The following ST14 variants were observed in gnomAD, a reference collection of about 807,000 sequenced individuals.
The protein encoded by ST14 is ST14 transmembrane serine protease matriptase.
Under a neutral mutation model 96.5 loss-of-function variants are expected in ST14, and 40 were observed. That is an observed-to-expected ratio of 0.41 (90% confidence interval 0.32 to 0.54). ST14 has a LOEUF of 0.54. ST14 is among the 20% of genes least tolerant of loss of function. The pLI is 0.17. For synonymous variants in ST14, 506 were observed against 492.1 expected, an observed-to-expected ratio of 1.03 and a Z score of -0.37; for missense variants, 1,066 against 1,188.9, an observed-to-expected ratio of 0.90 and a Z score of 1.52.
At chr11:130,178,108 A>T (rs1449831764) in intron 1 of ST14, among the ~76,000 whole-genome samples, 2 of 152,262 alleles carry the variant, frequency 1.3e-5, no homozygotes, top group East Asian at 3.8e-4. Context: ...ACTATACATA[A>T]TAATATTCTT....
At chr11:130,198,726 C>T in intron 14 of ST14, 105 bp downstream of exon 14, 1 of 1,330,004 alleles carries the variant, frequency 7.5e-7, no homozygotes, top group Non-Finnish European at 1.1e-6. Flanking sequence ...GAACACAAAC[C>T]ACCTGTGTGT....
chr11:130,191,680 A>C (rs918960409), intron 7 of ST14, among the ~76,000 whole-genome samples: 1 of 118,718 alleles, frequency 8.4e-6, no homozygotes, highest in Non-Finnish European at 1.7e-5. Context: ...ACAGAGCGAG[A>C]CTCTGTCTCA....
chr11:130,185,713 T>C (rs1545714), intron 1 of ST14, among the ~76,000 whole-genome samples: 39,677 of 152,112 alleles, frequency 0.26, 11,953 homozygotes, highest in African/African-American at 0.74. Flanking sequence ...AGAAAGACAA[T>C]GAAGTCATAA....
At position 130,190,141 on chromosome 11, in the gene ST14, C is replaced by G. The variant is rs944862881; in HGVS notation, c.627C>G (p.Thr209=). Residue 209 remains threonine (T), a synonymous_variant, in exon 6 of 19, where the codon ACC becomes ACG. Transcript: ENST00000278742. ...CGGACTCCAAAACAGTACAGAGGAC[C>G]CAGGACAGTAAGTATCGTGCCCGCC... ...FPTDSKTVQR[T]QDNSCSFGLH... The G allele has an allele frequency of 6.2e-7, 1 of 1,614,182 alleles. No individual in the cohort carries two copies. Among genetic ancestry groups the G allele is most frequent in the Non-Finnish European group, 8.5e-7 (1 of 1,180,030 alleles).
chr11:130,195,836 G>A (rs1234799919), intron 9 of ST14, among the ~76,000 whole-genome samples: 1 of 135,080 alleles, frequency 7.4e-6, no homozygotes, highest in Non-Finnish European at 1.6e-5. Context: ...CTGGGTGACA[G>A]AGTGAGACTT....
In ST14 at chr11:130,188,492, C is replaced by T. The variant is rs530204787; in HGVS notation, c.242-38C>T. ...CGGCGAGGGACAGGCGGGGGTGGTA[C>T]CACCTCCCCTGACTGAGCGCCTTCT... is the stretch of plus-strand genomic sequence containing the variant. On this transcript the variant is annotated intron_variant, in intron 2 of 18. Coordinates refer to ENST00000278742, the MANE Select transcript of ST14 (RefSeq NM_021978.4). The surrounding 1 kb of genome is among the most constrained non-coding windows in gnomAD (Gnocchi z 5.4). 14 of 1,609,256 alleles carry T rather than the reference C, an allele frequency of 8.7e-6. No individual in the cohort carries two copies. Among genetic ancestry groups the T allele is most frequent in the Non-Finnish European group, 1.1e-5 (13 of 1,179,788 alleles).
Position 130,190,521 on chromosome 11 carries a change from T to A in ST14, c.702T>A (p.Pro234=), listed in dbSNP as rs1389074784. Residue 234 remains proline, a synonymous_variant, in exon 7 of 19, where the codon CCT becomes CCA. Transcript: ENST00000278742. ...TGCGCTTCACCACGCCCGGCTTCCC[T>A]GACAGCCCCTACCCCGCTCATGCCC... The part of the protein sequence containing the change: ...ELMRFTTPGF[P]DSPYPAHARC... The A allele has an allele frequency of 6.2e-7, 1 of 1,610,550 alleles. No individual in the cohort carries two copies. Among genetic ancestry groups the A allele is most frequent in the Admixed American group, 1.7e-5 (1 of 60,004 alleles).
In ST14 at chr11:130,181,940, C is replaced by G. The variant is rs1274520828; in HGVS notation, c.82-6174C>G. On this transcript the variant is annotated intron_variant, in intron 1 of 18. Coordinates refer to ENST00000278742, the MANE Select transcript of ST14 (RefSeq NM_021978.4). The surrounding 1 kb of genome is among the most constrained non-coding windows in gnomAD (Gnocchi z 4.1). ...TTGAGCTAGCGCCACTGCTGACAGC[C>G]TCGCTCCGTGGCAGAGTCTGGGGTG... 2.0e-5 allele frequency among the ~76,000 whole-genome samples: 3 copies of G among 152,238 alleles called. No homozygotes were observed. Among genetic ancestry groups the G allele is most frequent in the Non-Finnish European group, 4.4e-5 (3 of 68,028 alleles).
intron 1 of ST14, among the ~76,000 whole-genome samples, chr11:130,185,289 A>G (rs1316092665): frequency 2.0e-5 from 3 of 152,248 alleles, no homozygotes; most frequent in Non-Finnish European, 4.4e-5. Flanking sequence ...GTTAAAAATA[A>G]TGAGATGGAT....
intron 11 of ST14, 26 bp from the exon 12 acceptor site, chr11:130,197,815 G>A (rs956075577): frequency 6.5e-7 from 1 of 1,533,408 alleles, no homozygotes; most frequent in South Asian, 1.2e-5. Flanking sequence ...GGGTGCTGGG[G>A]GCCTCAGGCC....
At chr11:130,194,076 A>C in intron 7 of ST14, 73 bp from the exon 8 acceptor site, 4 of 1,608,144 alleles carry the variant, frequency 2.5e-6, no homozygotes, top group Non-Finnish European at 3.4e-6. Context: ...CCTCTGCCTG[A>C]GAGCCTGGTT....
chr11:130,164,452 C>T (rs1385419123), intron 1 of ST14, among the ~76,000 whole-genome samples: 3 of 151,352 alleles, frequency 2.0e-5, no homozygotes, highest in African/African-American at 4.9e-5. Flanking sequence ...CAGGGTCTCC[C>T]TCTGTCACCC....
At position 130,159,989 on chromosome 11, in the gene ST14, G is replaced by T; in HGVS notation, c.10G>T (p.Asp4Tyr). The T allele has an allele frequency of 7.1e-7, 1 of 1,402,248 alleles. No individual in the cohort carries two copies. The allele number at this position is 1,402,248 out of a possible 1,614,324, so 86.9% of individuals were successfully genotyped here. The change falls in exon 1 of 19, where the codon GAT becomes TAT. Residue 4 changes from aspartate to tyrosine, a missense_variant. By Grantham distance (160) the Asp-to-Tyr change is radical. Transcript: ENST00000278742. ...AGCGGCCTCGGGGACCATGGGGAGC[G>T]ATCGGGCCCGCAAGGGCGGAGGGGG... Reference protein sequence around the residue: MGSDRARKGGGGPK... With the variant: MGSYRARKGGGGPK...
At chr11:130,167,994 C>A (rs1323844795) in intron 1 of ST14, among the ~76,000 whole-genome samples, 1 of 152,236 alleles carries the variant, frequency 6.6e-6, no homozygotes, top group African/African-American at 2.4e-5. Context: ...GGATTGCAGG[C>A]ATGAGCCACC....
Position 130,196,559 on chromosome 11 carries a change from C to CA in ST14, c.1224-11_1224-10insA, listed in dbSNP as rs770524936. On this transcript the variant is annotated splice_polypyrimidine_tract_variant and intron_variant, in intron 10 of 18. Coordinates refer to ENST00000278742, the MANE Select transcript of ST14 (RefSeq NM_021978.4). ...TGTCCCTCCTCACCTTGTGCCCCGC[C>CA]CCCCCTCCAGATACTGCGGAGAGAG... 3.9e-5 allele frequency: 62 copies of CA among 1,609,280 alleles called. No homozygotes were observed. The South Asian group carries it at 6.2e-4, about 16-fold the overall frequency.
intron 1 of ST14, among the ~76,000 whole-genome samples, chr11:130,164,518 A>G (rs1456961486): frequency 6.6e-6 from 1 of 151,276 alleles, no homozygotes; most frequent in Non-Finnish European, 1.5e-5. Context: ...CTCCCGGCTC[A>G]AGCAATCCTC....
At chr11:130,204,002 T>C (rs906724214) in intron 16 of ST14, among the ~76,000 whole-genome samples, 4 of 152,138 alleles carry the variant, frequency 2.6e-5, no homozygotes, top group Non-Finnish European at 4.4e-5. Context: ...CTTCAGGCCA[T>C]AGGTGGCCAG....
At chr11:130,198,728 C>T in intron 14 of ST14, 107 bp downstream of exon 14, 6 of 1,328,794 alleles carry the variant, frequency 4.5e-6, no homozygotes, top group Non-Finnish European at 6.4e-6. Flanking sequence ...ACACAAACCA[C>T]CTGTGTGTTA....
intron 14 of ST14, among the ~76,000 whole-genome samples, 154 bp from the exon 15 acceptor site, chr11:130,198,793 C>G (rs1415809070): frequency 2.6e-5 from 4 of 152,104 alleles, no homozygotes; most frequent in African/African-American, 9.7e-5. Flanking sequence ...GGTGGAGAAC[C>G]TGTAGCAGGG....
Sources: gnomAD v4.1 joint callset for allele counts (sites outside exome capture counted in the v4.1 genomes callset) on GRCh38, gnomAD v4.1.1 for gene constraint, Gnocchi (gnomAD v3.1) non-coding constraint, MANE v1.5 for transcripts, NCBI Gene and HGNC (gene_info 2026-07-23, HGNC 2026-07-21) for gene names.